SMAD2: variants seen among roughly 807,000 people sequenced by gnomAD.
SMAD2 encodes SMAD family member 2.
SMAD2 carries 8 observed loss-of-function variants against 64.4 expected under a neutral mutation model. The ratio of observed to expected loss-of-function variants is 0.12; its 90% CI spans 0.07 to 0.22. The LOEUF is 0.22. Among genes scored for constraint, SMAD2 ranks in the 10% least tolerant of loss-of-function variants. The probability of loss-of-function intolerance (pLI) is 1.00; values close to 1 mark genes in which losing one functional copy is unlikely to be tolerated. For synonymous variants in SMAD2, 203 were observed against 195.8 expected, an observed-to-expected ratio of 1.04 and a Z score of -0.31; for missense variants, 289 against 561.2, an observed-to-expected ratio of 0.51 and a Z score of 4.90.
chr18:47,854,657 AT>A (rs1413701133), intron 6 of SMAD2, among the ~76,000 whole-genome samples: 11 of 151,998 alleles, frequency 7.2e-5, no homozygotes, highest in African/African-American at 2.4e-4. Context: ...TTTAAAAAAA[AT>A]CTGTTATATC....
rs1913428724 is a variant in SMAD2 at position 47,836,542 on chromosome 18, T to C, written c.*5285A>G. 4.6e-6 allele frequency: 1 copy of C among 217,778 alleles called. No individual in the cohort carries two copies. Among genetic ancestry groups the C allele is most frequent in the African/African-American group, 2.2e-5 (1 of 44,570 alleles). The allele number at this position is 217,778 out of a possible 1,614,324, so 13.5% of individuals were successfully genotyped here. A position where few individuals can be genotyped will look rare whatever the true frequency, so the allele number is the denominator to read the frequency against. Reference sequence around the variant, plus strand: ...AAGAACATTTTACCAGGATCTGAGATTTAAACAATGGAACAATTGTTTTAA... The same window carrying C: ...AAGAACATTTTACCAGGATCTGAGACTTAAACAATGGAACAATTGTTTTAA... On this transcript the variant is annotated 3_prime_UTR_variant, in exon 11 of 11. Transcript: ENST00000262160.
In SMAD2 at chr18:47,906,287, T is replaced by C. The variant is rs1378239131; in HGVS notation, c.-53-9478A>G. The stretch of plus-strand genomic sequence containing the variant: ...AGCTATAATGCAAATATTCTAAAAA[T>C]TGGAAAAAATCTGAACCACTTCGGG... On this transcript the variant is annotated intron_variant, in intron 1 of 10. Coordinates refer to ENST00000262160, the MANE Select transcript of SMAD2 (RefSeq NM_005901.6). Among the ~76,000 whole-genome samples the C allele has an allele frequency of 4.8e-4, 73 of 152,086 alleles. 3 individuals carry two copies. Among genetic ancestry groups the C allele is most frequent in the Admixed American group, 4.6e-3 (70 of 15,278 alleles).
At chr18:47,908,300 CT>C (rs1459854033) in intron 1 of SMAD2, among the ~76,000 whole-genome samples, 4 of 152,150 alleles carry the variant, frequency 2.6e-5, no homozygotes, top group Admixed American at 6.5e-5. Context: ...ACATGAGGCA[CT>C]GACAAAATGG....
At chr18:47,907,331 C>T (rs1182827119) in intron 1 of SMAD2, among the ~76,000 whole-genome samples, 2 of 152,118 alleles carry the variant, frequency 1.3e-5, no homozygotes, top group East Asian at 3.9e-4. Flanking sequence ...GAATACTGCT[C>T]AGGAACAAAT....
rs921055422 is a variant in SMAD2 at position 47,828,213 on chromosome 18, CGT to C, written c.*13612_*13613del. 10 of 155,610 alleles carry C rather than the reference CGT, an allele frequency of 6.4e-5. No individual in the cohort carries two copies. In the South Asian group the frequency reaches 1.4e-3, roughly 21 times the overall value. The allele number at this position is 155,610 out of a possible 1,614,324, so 9.6% of individuals were successfully genotyped here. A position where few individuals can be genotyped will look rare whatever the true frequency, so the allele number is the denominator to read the frequency against. On this transcript the variant is annotated 3_prime_UTR_variant, in exon 11 of 11. Transcript: ENST00000262160. ...GAGCGTCTCCGCCCAGCAGCCGCCC[CGT>C]CTGGGAGGGAGGTGGGGGGCAGCCC...
At position 47,837,421 on chromosome 18, in the gene SMAD2, G is replaced by A. The variant is rs1282356457; in HGVS notation, c.*4406C>T. On this transcript the variant is annotated 3_prime_UTR_variant, in exon 11 of 11. Coordinates refer to ENST00000262160, the MANE Select transcript of SMAD2 (RefSeq NM_005901.6). ...ACTAAAAATACAAAAAATTAGCCGAGTGTGGTGGTGGGCGCCTGTAGTCCC... is the reference window on the plus strand; with the variant it reads ...ACTAAAAATACAAAAAATTAGCCGAATGTGGTGGTGGGCGCCTGTAGTCCC... 1 of 198,338 alleles carries A rather than the reference G, an allele frequency of 5.0e-6. No homozygotes were observed. Among genetic ancestry groups the A allele is most frequent in the Non-Finnish European group, 1.0e-5 (1 of 96,188 alleles). The allele number at this position is 198,338 out of a possible 1,614,324, so 12.3% of individuals were successfully genotyped here. A position where few individuals can be genotyped will look rare whatever the true frequency, so the allele number is the denominator to read the frequency against.
intron 5 of SMAD2, 62 bp from the exon 6 acceptor site, chr18:47,865,195 G>T: frequency 1.2e-6 from 1 of 863,146 alleles, no homozygotes; most frequent in Non-Finnish European, 2.0e-6. Context: ...TTTTCTCTCA[G>T]CTACCAGAGA....
intron 2 of SMAD2, among the ~76,000 whole-genome samples, chr18:47,876,413 G>A (rs967616991): frequency 2.0e-5 from 3 of 151,958 alleles, no homozygotes; most frequent in Non-Finnish European, 4.4e-5. Context: ...AGATGAACAA[G>A]CATACGTATG....
At position 47,840,241 on chromosome 18, in the gene SMAD2, G is replaced by A. The variant is rs1278859118; in HGVS notation, c.*1586C>T. On this transcript the variant is annotated 3_prime_UTR_variant, in exon 11 of 11. Coordinates refer to ENST00000262160, the MANE Select transcript of SMAD2 (RefSeq NM_005901.6). Reference sequence around the variant, plus strand: ...AGGTGGATATGATTTCAAAGAACAAGTACCAAAGACAGCTTCAAAAATATG... The same window carrying A: ...AGGTGGATATGATTTCAAAGAACAAATACCAAAGACAGCTTCAAAAATATG... 2.6e-5 allele frequency: 6 copies of A among 232,924 alleles called. No homozygotes were observed. Among genetic ancestry groups the A allele is most frequent in the South Asian group, 1.8e-4 (1 of 5,534 alleles). 14.4% of individuals were successfully genotyped at this position (232,924 alleles called of 1,614,324 possible). A position where few individuals can be genotyped will look rare whatever the true frequency, so the allele number is the denominator to read the frequency against.
At chr18:47,871,524 T>C (rs2031931332) in intron 2 of SMAD2, among the ~76,000 whole-genome samples, 2 of 152,342 alleles carry the variant, frequency 1.3e-5, no homozygotes. Flanking sequence ...CATCCTTGGC[T>C]TTAGTACTAC....
At chr18:47,858,973 G>A (rs1302813688) in intron 6 of SMAD2, among the ~76,000 whole-genome samples, 2 of 152,022 alleles carry the variant, frequency 1.3e-5, no homozygotes, top group Non-Finnish European at 2.9e-5. Context: ...AAAATTGTTA[G>A]ATTAAATAAA....
At chr18:47,850,995 G>C (rs2030005189) in intron 7 of SMAD2, among the ~76,000 whole-genome samples, 1 of 144,786 alleles carries the variant, frequency 6.9e-6, no homozygotes, top group Non-Finnish European at 1.5e-5. Flanking sequence ...TAAAAATCTA[G>C]CCATAACAGG....
chr18:47,873,443 G>C (rs1364518008), intron 2 of SMAD2, among the ~76,000 whole-genome samples: 1 of 152,116 alleles, frequency 6.6e-6, no homozygotes, highest in Non-Finnish European at 1.5e-5. Context: ...AAAAATCCAG[G>C]TATTAGTCCA....
At position 47,841,565 on chromosome 18, in the gene SMAD2, G is replaced by GT. The variant is rs1568030934; in HGVS notation, c.*261dup. ...TATTAATAAACCTTTGGGACACTCA[G>GT]TTTTATGCCCAATAAGACATCATTA... is the stretch of plus-strand genomic sequence containing the variant. On this transcript the variant is annotated 3_prime_UTR_variant, in exon 11 of 11. Transcript: ENST00000262160. 2 of 511,950 alleles carry GT rather than the reference G, an allele frequency of 3.9e-6. No homozygotes were observed. The highest frequency in any genetic ancestry group is 3.8e-5 in the African/African-American group (2 of 52,346). The allele number at this position is 511,950 out of a possible 1,614,324, so 31.7% of individuals were successfully genotyped here. A position where few individuals can be genotyped will look rare whatever the true frequency, so the allele number is the denominator to read the frequency against.
At chr18:47,907,640 T>C (rs1407844263) in intron 1 of SMAD2, among the ~76,000 whole-genome samples, 3 of 151,960 alleles carry the variant, frequency 2.0e-5, no homozygotes, top group Admixed American at 6.6e-5. Context: ...TAATCACACA[T>C]GAGTACAAGT....
intron 7 of SMAD2, among the ~76,000 whole-genome samples, chr18:47,848,998 A>C (rs577156507): frequency 3.9e-5 from 6 of 152,320 alleles, no homozygotes; most frequent in Middle Eastern, 6.8e-3. Flanking sequence ...AATACAAAAC[A>C]ATCATAGGCA....
At chr18:47,851,209 T>C in intron 7 of SMAD2, 65 bp downstream of exon 7, 1 of 1,128,852 alleles carries the variant, frequency 8.9e-7, no homozygotes, top group Non-Finnish European at 1.3e-6. Context: ...CTCCTAGAGA[T>C]GATTTTTATT....
rs142118224 is a variant in SMAD2 at position 47,829,950 on chromosome 18, C to G, written c.*11877G>C. ...AAAAATTTGAATTTCCCTTTGCCTA[C>G]AAGTCTAAGTAACTTGCAGCAGCAA... On this transcript the variant is annotated 3_prime_UTR_variant, in exon 11 of 11. Coordinates refer to ENST00000262160, the MANE Select transcript of SMAD2 (RefSeq NM_005901.6). The G allele has an allele frequency of 6.6e-6, 1 of 152,180 alleles. No homozygotes were observed. The allele number at this position is 152,180 out of a possible 1,614,324, so 9.4% of individuals were successfully genotyped here.
intron 1 of SMAD2, among the ~76,000 whole-genome samples, chr18:47,929,479 A>G (rs2034908542): frequency 6.6e-6 from 1 of 152,184 alleles, no homozygotes; most frequent in Admixed American, 6.5e-5. Flanking sequence ...TATTTTACAC[A>G]TGTCGTTTTA....
Sources: allele counts gnomAD v4.1 joint callset (sites outside exome capture counted in the v4.1 genomes callset), GRCh38; gene constraint gnomAD v4.1.1; transcripts MANE v1.5; gene names NCBI Gene and HGNC (gene_info 2026-07-23, HGNC 2026-07-21).